CYB5R4: variants seen among roughly 807,000 people sequenced by gnomAD.
The protein encoded by CYB5R4 is N-terminal cytochrome b5 and cytochrome b5 oxidoreductase domain-containing protein.
In CYB5R4, 55 loss-of-function variants were observed where a neutral mutation model predicts 70.2. The observed-to-expected ratio is 0.78, with a 90% confidence interval of 0.63 to 0.98. The LOEUF (loss-of-function observed/expected upper bound fraction) is 0.98. Ranked by LOEUF, CYB5R4 falls within the 50% of genes least tolerant of loss-of-function variation. CYB5R4 has a pLI of 0.00. For missense variants in CYB5R4, 562 were observed against 612.6 expected (o/e 0.92, Z 0.87); for synonymous variants, 197 against 199.5 (o/e 0.99, Z 0.11).
At chr6:83,909,553 A>G (rs995243677) in intron 4 of CYB5R4, among the ~76,000 whole-genome samples, 1 of 152,076 alleles carries the variant, frequency 6.6e-6, no homozygotes, top group Non-Finnish European at 1.5e-5. Flanking sequence ...TAGCTCTGAG[A>G]TGGAAGAGGG....
chr6:83,861,876 G>T (rs963767001), intron 1 of CYB5R4, among the ~76,000 whole-genome samples: 1 of 152,186 alleles, frequency 6.6e-6, no homozygotes, highest in African/African-American at 2.4e-5. Context: ...GAAGTCTGGT[G>T]ATGTTTTTGT....
chr6:83,934,641 T>C lies in CYB5R4; in HGVS notation c.861T>C (p.Thr287=). 1.2e-6 allele frequency: 2 copies of C among 1,613,062 alleles called. No individual in the cohort carries two copies. The highest frequency in any genetic ancestry group is 1.7e-6 in the Non-Finnish European group (2 of 1,179,110). ...AGTTAATTTCCAAGGAAGATGTTACTCATGATACGAGGCTTTTCTGTTTGA... is the reference window on the plus strand; with the variant it reads ...AGTTAATTTCCAAGGAAGATGTTACCCATGATACGAGGCTTTTCTGTTTGA... ...KCQLISKEDV[T]HDTRLFCLML... is the part of the protein sequence containing the mutation. Residue 287 remains threonine (T), a synonymous_variant, in exon 11 of 16, where the codon ACT becomes ACC. Transcript: ENST00000369681.
At chr6:83,957,660 A>G (rs1424734765) in intron 15 of CYB5R4, among the ~76,000 whole-genome samples, 3 of 150,488 alleles carry the variant, frequency 2.0e-5, no homozygotes, top group Admixed American at 1.3e-4. Context: ...ACCAGAACCT[A>G]TATGGCTTTC....
intron 2 of CYB5R4, among the ~76,000 whole-genome samples, chr6:83,871,767 A>T (rs1283932610): frequency 6.6e-6 from 1 of 151,952 alleles, no homozygotes; most frequent in Non-Finnish European, 1.5e-5. Flanking sequence ...ATATATTGGC[A>T]TATAGTTATT....
chr6:83,946,448 A>C (rs2099470628), intron 14 of CYB5R4, among the ~76,000 whole-genome samples: 1 of 152,210 alleles, frequency 6.6e-6, no homozygotes, highest in African/African-American at 2.4e-5. Flanking sequence ...TTTATGACAA[A>C]CCCACATCTG....
At chr6:83,909,817 TTTG>T (rs1158651080) in intron 4 of CYB5R4, among the ~76,000 whole-genome samples, 1 of 152,180 alleles carries the variant, frequency 6.6e-6, no homozygotes, top group Non-Finnish European at 1.5e-5. Flanking sequence ...TGAAGACATT[TTTG>T]TTGTTAGAAC....
At chr6:83,957,622 C>CAAA (rs34196225) in intron 15 of CYB5R4, among the ~76,000 whole-genome samples, 5,749 of 66,718 alleles carry the variant, frequency 0.086, 301 homozygotes, top group African/African-American at 0.14. Flanking sequence ...AACTCTGTCT[C>CAAA]AAAAAAAAAA....
At chr6:83,949,228 C>T (rs544274760) in intron 14 of CYB5R4, among the ~76,000 whole-genome samples, 1 of 151,266 alleles carries the variant, frequency 6.6e-6, no homozygotes, top group Admixed American at 6.6e-5. Flanking sequence ...TATTCTGAGG[C>T]TTGATGTAAA....
At chr6:83,929,215 T>C (rs774952822) in intron 10 of CYB5R4, among the ~76,000 whole-genome samples, 3 of 152,216 alleles carry the variant, frequency 2.0e-5, no homozygotes, top group Non-Finnish European at 4.4e-5. Context: ...CAAAGTATTA[T>C]AATTAACTTG....
At position 83,960,188 on chromosome 6, in the gene CYB5R4, G is replaced by A; in HGVS notation, c.*310G>A. 1 of 206,246 alleles carries A rather than the reference G, an allele frequency of 4.8e-6. No homozygotes were observed. Among genetic ancestry groups the A allele is most frequent in the Non-Finnish European group, 9.6e-6 (1 of 104,180 alleles). 12.8% of individuals were successfully genotyped at this position (206,246 alleles called of 1,614,324 possible). On this transcript the variant is annotated 3_prime_UTR_variant, in exon 16 of 16. Transcript: ENST00000369681. ...TCACTGTTCTACAATAAGCACTTGT[G>A]TTTTATGACATGATAAAGTAAATGA...
At position 83,934,584 on chromosome 6, in the gene CYB5R4, T is replaced by C. The variant is rs1381272483; in HGVS notation, c.815-11T>C. Reference sequence around the variant, plus strand: ...TTATGTATCAATAAGAGAAAATGAATCACTTTTTAGGTTTGTACTACAGAA... The same window carrying C: ...TTATGTATCAATAAGAGAAAATGAACCACTTTTTAGGTTTGTACTACAGAA... On this transcript the variant is annotated splice_polypyrimidine_tract_variant and intron_variant, in intron 10 of 15. Coordinates refer to ENST00000369681, the MANE Select transcript of CYB5R4 (RefSeq NM_016230.4). The C allele has an allele frequency of 1.3e-6, 2 of 1,587,634 alleles. No individual in the cohort carries two copies. Among genetic ancestry groups the C allele is most frequent in the Admixed American group, 1.7e-5 (1 of 57,932 alleles).
chr6:83,903,048 A>G (rs917963843), intron 3 of CYB5R4, among the ~76,000 whole-genome samples: 3 of 152,096 alleles, frequency 2.0e-5, no homozygotes, highest in Non-Finnish European at 2.9e-5. Flanking sequence ...TAGAACTTCC[A>G]GTACTGTATT....
intron 12 of CYB5R4, among the ~76,000 whole-genome samples, chr6:83,939,551 G>T (rs1292770813): frequency 1.3e-5 from 2 of 152,158 alleles, no homozygotes; most frequent in African/African-American, 4.8e-5. Flanking sequence ...ATCAACATAA[G>T]ATTTTAGAAT....
chr6:83,863,203 A>G (rs576306782), intron 1 of CYB5R4, among the ~76,000 whole-genome samples: 4 of 152,290 alleles, frequency 2.6e-5, no homozygotes, highest in Non-Finnish European at 4.4e-5. Flanking sequence ...TCCCTAGGCA[A>G]GGGTTGGCAG....
At chr6:83,955,814 T>A (rs1408931) in intron 15 of CYB5R4, among the ~76,000 whole-genome samples, 23,580 of 152,064 alleles carry the variant, frequency 0.16, 3,400 homozygotes, top group African/African-American at 0.36. Context: ...TAATAAGGAA[T>A]GTTCATCTCA....
intron 4 of CYB5R4, among the ~76,000 whole-genome samples, chr6:83,911,320 T>A (rs1213009224): frequency 1.3e-5 from 2 of 152,022 alleles, no homozygotes; most frequent in African/African-American, 4.8e-5. Context: ...TGTTTAGAGA[T>A]ATGGAGGAAT....
intron 12 of CYB5R4, among the ~76,000 whole-genome samples, chr6:83,938,067 T>G (rs1212454061): frequency 6.6e-6 from 1 of 152,238 alleles, no homozygotes; most frequent in Non-Finnish European, 1.5e-5. Flanking sequence ...GTAGTAGATA[T>G]GATTCTGCTA....
At position 83,936,207 on chromosome 6, in the gene CYB5R4, GTGA is replaced by G; in HGVS notation, c.956-15_956-13del. On this transcript the variant is annotated splice_polypyrimidine_tract_variant and intron_variant, in intron 11 of 15. Coordinates refer to ENST00000369681, the MANE Select transcript of CYB5R4 (RefSeq NM_016230.4). The stretch of plus-strand genomic sequence containing the variant: ...ATTTTTAGAATTTAATTATTTTGCT[GTGA>G]TTTTTTTTTCTAGGTACAGAAATAG... 6.6e-7 allele frequency: 1 copy of G among 1,522,532 alleles called. No homozygotes were observed. Among genetic ancestry groups the G allele is most frequent in the African/African-American group, 1.4e-5 (1 of 70,984 alleles). 94.3% of individuals were successfully genotyped at this position (1,522,532 alleles called of 1,614,324 possible).
intron 2 of CYB5R4, among the ~76,000 whole-genome samples, chr6:83,872,035 T>C (rs1167742337): frequency 6.6e-6 from 1 of 152,206 alleles, no homozygotes; most frequent in Non-Finnish European, 1.5e-5. Flanking sequence ...GTGATATAGC[T>C]AGTTTAAGAT....
Sources: allele counts gnomAD v4.1 joint callset (sites outside exome capture counted in the v4.1 genomes callset), GRCh38; gene constraint gnomAD v4.1.1; transcripts MANE v1.5; gene names NCBI Gene and HGNC (gene_info 2026-07-23, HGNC 2026-07-21).